LEPR: variants seen among roughly 807,000 people sequenced by gnomAD.
LEPR encodes the protein OB receptor.
In LEPR, 56 loss-of-function variants were observed where a neutral mutation model predicts 114.7. The observed-to-expected ratio is 0.49, with a 90% confidence interval of 0.39 to 0.61. The LOEUF is 0.61. Ranked by LOEUF, LEPR falls within the 20% of genes least tolerant of loss-of-function variation. The probability of loss-of-function intolerance (pLI) is 0.00; values close to 1 mark genes in which losing one functional copy is unlikely to be tolerated. For synonymous variants in LEPR, 443 were observed against 461.4 expected (o/e 0.96, Z 0.51); for missense variants, 1,202 against 1,352.9 (o/e 0.89, Z 1.75).
At chr1:65,597,080 C>G (rs1656114715) in intron 7 of LEPR, among the ~76,000 whole-genome samples, 1 of 152,050 alleles carries the variant, frequency 6.6e-6, no homozygotes, top group African/African-American at 2.4e-5. Context: ...CCACCATTCC[C>G]CAAATGATGT....
chr1:65,638,940 T>C lies in LEPR; in HGVS notation c.*1925T>C, dbSNP rs1394367134. The C allele has an allele frequency of 6.6e-6, 1 of 152,166 alleles. No homozygotes were observed. Among genetic ancestry groups the C allele is most frequent in the Non-Finnish European group, 1.5e-5 (1 of 68,012 alleles). 9.4% of individuals were successfully genotyped at this position (152,166 alleles called of 1,614,324 possible). A position where few individuals can be genotyped will look rare whatever the true frequency, so the allele number is the denominator to read the frequency against. ...TACATGTATAAAAATTTTAGTAAAA[T>C]TGACATTTTAAATACATGCTTATAG... On this transcript the variant is annotated 3_prime_UTR_variant, in exon 20 of 20. Transcript: ENST00000349533.
In LEPR at chr1:65,520,882, A is replaced by G. The variant is rs568060233; in HGVS notation, c.-20-44664A>G. ...CCTTAAGGCACAGATCGCTCATGCT[A>G]TTGCTTGTGGTTTAAGAACGCCTTT... On this transcript the variant is annotated intron_variant, in intron 2 of 19. Transcript: ENST00000349533. 5.9e-5 allele frequency among the ~76,000 whole-genome samples: 9 copies of G among 152,336 alleles called. No individual in the cohort carries two copies. The South Asian group carries it at 1.9e-3, about 32-fold the overall frequency.
At chr1:65,600,539 A>G (rs980364550) in intron 8 of LEPR, among the ~76,000 whole-genome samples, 1 of 152,196 alleles carries the variant, frequency 6.6e-6, no homozygotes, top group Non-Finnish European at 1.5e-5. Context: ...TAGTCTATCA[A>G]CAGAAAATGG....
intron 5 of LEPR, among the ~76,000 whole-genome samples, chr1:65,588,581 G>A (rs1204418866): frequency 6.6e-6 from 1 of 151,854 alleles, no homozygotes; most frequent in African/African-American, 2.4e-5. Context: ...TCCTACCATT[G>A]GTACTTCCTC....
chr1:65,500,353 T>C (rs189541066), intron 2 of LEPR, among the ~76,000 whole-genome samples: 41 of 152,242 alleles, frequency 2.7e-4, no homozygotes, highest in Admixed American at 1.5e-3. Flanking sequence ...TTCTGAAATA[T>C]TTTTCCTCCA....
At chr1:65,614,367 A>G (rs1380437070) in intron 14 of LEPR, among the ~76,000 whole-genome samples, 1 of 152,246 alleles carries the variant, frequency 6.6e-6, no homozygotes, top group Non-Finnish European at 1.5e-5. Flanking sequence ...GATTGACTGT[A>G]AACTGTGACA....
chr1:65,633,086 T>C lies in LEPR; in HGVS notation c.2674-3105T>C. The C allele has an allele frequency of 2.6e-6, 3 of 1,169,954 alleles. No individual in the cohort carries two copies. Among genetic ancestry groups the C allele is most frequent in the Non-Finnish European group, 3.8e-6 (3 of 791,660 alleles). 72.5% of individuals were successfully genotyped at this position (1,169,954 alleles called of 1,614,324 possible). On this transcript the variant is annotated intron_variant, in intron 19 of 19. Transcript: ENST00000349533. This position sits in a 1 kb window ranked among gnomAD's most constrained non-coding sequence, Gnocchi z 4.1. ...GCTTGACAATGTTTTTTGAAATCTT[T>C]TATCTTTTTCTTTGTGAGTGATTTT...
chr1:65,464,041 G>A (rs553004438), intron 2 of LEPR, among the ~76,000 whole-genome samples: 2 of 152,226 alleles, frequency 1.3e-5, no homozygotes, highest in East Asian at 3.9e-4. Context: ...GATTGCCCTA[G>A]CCAGAACTTC....
At chr1:65,631,604 A>G (rs61781315) in intron 19 of LEPR, among the ~76,000 whole-genome samples, 34,059 of 152,006 alleles carry the variant, frequency 0.22, 4,147 homozygotes, top group South Asian at 0.33. Flanking sequence ...CAGAATCTCT[A>G]TAGAGACAAG....
At chr1:65,609,819 C>T (rs1301743587) in intron 12 of LEPR, 128 bp from the exon 13 acceptor site, 2 of 1,298,980 alleles carry the variant, frequency 1.5e-6, no homozygotes, top group African/African-American at 1.5e-5. Context: ...TTTCTGAAGG[C>T]AGAGAACACA....
At chr1:65,422,296 G>A (rs1393277650) in intron 1 of LEPR, among the ~76,000 whole-genome samples, 2 of 152,172 alleles carry the variant, frequency 1.3e-5, no homozygotes, top group Non-Finnish European at 2.9e-5. Context: ...GACAGAAATT[G>A]GAGTGATGCA....
At chr1:65,540,164 C>T (rs1369631976) in intron 2 of LEPR, among the ~76,000 whole-genome samples, 1 of 152,166 alleles carries the variant, frequency 6.6e-6, no homozygotes, top group South Asian at 2.1e-4. Flanking sequence ...TTAGCCCCAC[C>T]TCACCCTCCT....
intron 2 of LEPR, among the ~76,000 whole-genome samples, chr1:65,512,178 C>T (rs1480715265): frequency 6.6e-6 from 1 of 152,150 alleles, no homozygotes; most frequent in Non-Finnish European, 1.5e-5. Flanking sequence ...GAGATTTGCC[C>T]CCATGACCCA....
At chr1:65,461,686 A>C (rs1052955794) in intron 2 of LEPR, among the ~76,000 whole-genome samples, 1 of 152,242 alleles carries the variant, frequency 6.6e-6, no homozygotes, top group Non-Finnish European at 1.5e-5. Context: ...ATAATTCCAC[A>C]TTCAAGTGTG....
chr1:65,529,218 A>AT lies in LEPR; in HGVS notation c.-20-36322dup, dbSNP rs200359965. On this transcript the variant is annotated intron_variant, in intron 2 of 19. Transcript: ENST00000349533. The stretch of plus-strand genomic sequence containing the variant: ...TTTCTTCTCTCTCCTTTAAAACAAT[A>AT]TTTTTTGAAAGAGTTATCTCGGCTG... Among the ~76,000 whole-genome samples, 86 of 152,154 alleles carry AT rather than the reference A, an allele frequency of 5.7e-4. No homozygotes were observed. In the East Asian group the frequency reaches 0.014, roughly 25 times the overall value.
At chr1:65,472,667 G>A (rs1420050616) in intron 2 of LEPR, among the ~76,000 whole-genome samples, 2 of 148,570 alleles carry the variant, frequency 1.3e-5, no homozygotes, top group East Asian at 3.9e-4. Context: ...TTTTTTAAAA[G>A]AGTGTAATTG....
chr1:65,566,512 A>G (rs541730009), intron 3 of LEPR, among the ~76,000 whole-genome samples: 9 of 152,266 alleles, frequency 5.9e-5, no homozygotes, highest in African/African-American at 2.2e-4. Context: ...TACATTGCCA[A>G]TAACTTTTGA....
chr1:65,427,802 G>A (rs1211002560), intron 2 of LEPR: 2 of 416,772 alleles, frequency 4.8e-6, no homozygotes, highest in Non-Finnish European at 9.6e-6. Context: ...ACACCCAGCT[G>A]ATTTTTTTTA....
At chr1:65,528,611 A>G (rs1040408122) in intron 2 of LEPR, among the ~76,000 whole-genome samples, 5 of 152,056 alleles carry the variant, frequency 3.3e-5, no homozygotes, top group Non-Finnish European at 7.4e-5. Context: ...TTTGAACTGT[A>G]ATGAATATAG....
Sources: allele counts gnomAD v4.1 joint callset (sites outside exome capture counted in the v4.1 genomes callset), GRCh38; gene constraint gnomAD v4.1.1; non-coding constraint Gnocchi (gnomAD v3.1); transcripts MANE v1.5; gene names NCBI Gene and HGNC (gene_info 2026-07-23, HGNC 2026-07-21).